Variants in SGK1 observed in about 807,000 individuals in gnomAD.
The protein encoded by SGK1 is serine/threonine-protein kinase Sgk1.
In SGK1, 26 loss-of-function variants were observed where a neutral mutation model predicts 64.2. The observed-to-expected ratio is 0.40, with a 90% CI of 0.30 to 0.56. SGK1 has a LOEUF of 0.56. Among genes scored for constraint, SGK1 ranks in the 20% least tolerant of loss-of-function variants. The pLI is 0.38. For missense variants in SGK1, 519 were observed against 645.6 expected (o/e 0.80, Z 2.12); for synonymous variants, 265 against 239.7 (o/e 1.11, Z -0.98).
chr6:134,178,574 A>G (rs1011860039), intron 3 of SGK1, among the ~76,000 whole-genome samples: 4 of 152,188 alleles, frequency 2.6e-5, no homozygotes, highest in Non-Finnish European at 5.9e-5. Context: ...ACTGGGAGGA[A>G]TCCGGCCCCT....
At chr6:134,209,559 A>G (rs9493857) in intron 2 of SGK1, among the ~76,000 whole-genome samples, 96,159 of 152,208 alleles carry the variant, frequency 0.63, 36,230 homozygotes, top group South Asian at 0.89. Flanking sequence ...CAAATATTCT[A>G]TAGTTTCATC....
intron 2 of SGK1, among the ~76,000 whole-genome samples, chr6:134,220,105 A>G (rs1454682679): frequency 2.0e-5 from 3 of 150,464 alleles, no homozygotes; most frequent in African/African-American, 7.3e-5. Flanking sequence ...AAAGAAAAGA[A>G]AAACACATAT....
chr6:134,269,678 A>AGAGAAAGTAAG, intron 1 of SGK1, among the ~76,000 whole-genome samples: 1 of 145,288 alleles, frequency 6.9e-6, no homozygotes. Context: ...AAAAAGAGAG[A>AGAGAAAGTAAG]GAGAAAGTAA....
At chr6:134,259,777 C>T (rs943194784) in intron 2 of SGK1, 3 of 152,234 alleles carry the variant, frequency 2.0e-5, no homozygotes, top group South Asian at 2.1e-4. Flanking sequence ...GCATCAGGAG[C>T]GATAAATAGA....
chr6:134,257,355 A>G (rs1188815448), intron 2 of SGK1, among the ~76,000 whole-genome samples: 2 of 152,184 alleles, frequency 1.3e-5, no homozygotes, highest in Non-Finnish European at 2.9e-5. Flanking sequence ...GTGAGCTGAG[A>G]TCGTGCCATT....
intron 1 of SGK1, among the ~76,000 whole-genome samples, chr6:134,312,786 T>C (rs76855835): frequency 6.6e-6 from 1 of 150,912 alleles, no homozygotes; most frequent in African/African-American, 2.5e-5. Flanking sequence ...TTTTTTTTTT[T>C]CCTTGAGATG....
At chr6:134,266,534 G>A (rs1265502647) in intron 1 of SGK1, among the ~76,000 whole-genome samples, 1 of 152,082 alleles carries the variant, frequency 6.6e-6, no homozygotes, top group Non-Finnish European at 1.5e-5. Context: ...AGAACGGCTT[G>A]AACCTCGGAG....
chr6:134,237,579 A>G (rs1378198145), intron 2 of SGK1, among the ~76,000 whole-genome samples: 4 of 152,070 alleles, frequency 2.6e-5, no homozygotes, highest in Non-Finnish European at 5.9e-5. Flanking sequence ...CAGGAGGCAG[A>G]GGGAGGAGAA....
chr6:134,243,533 C>G (rs1241801016), intron 2 of SGK1, among the ~76,000 whole-genome samples: 1 of 152,036 alleles, frequency 6.6e-6, no homozygotes, highest in Non-Finnish European at 1.5e-5. Flanking sequence ...ACATGCTCGG[C>G]TAAGTTTGTA....
At chr6:134,174,476 A>G in intron 4 of SGK1, 35 bp downstream of exon 4, 3 of 1,508,762 alleles carry the variant, frequency 2.0e-6, no homozygotes, top group East Asian at 2.3e-5. Flanking sequence ...AATTCAAACT[A>G]TACTAGTTAT....
intron 3 of SGK1, 195 bp from the exon 4 acceptor site, chr6:134,174,781 C>A (rs1459815482): frequency 6.2e-7 from 1 of 1,614,020 alleles, no homozygotes; most frequent in Non-Finnish European, 8.5e-7. Flanking sequence ...TGAGGGTGCC[C>A]TTAGCAGCCT....
chr6:134,206,363 ATATATATATATATATATATATTTT>A (rs1427789880), intron 3 of SGK1, among the ~76,000 whole-genome samples: 1 of 22,658 alleles, frequency 4.4e-5, no homozygotes, highest in African/African-American at 1.6e-4. Flanking sequence ...ATATATATAT[ATATATATATATATATATATATTTT>A]TTTTTTTTTT....
At chr6:134,228,362 A>G (rs1274158767) in intron 2 of SGK1, among the ~76,000 whole-genome samples, 1 of 152,190 alleles carries the variant, frequency 6.6e-6, no homozygotes, top group East Asian at 1.9e-4. Flanking sequence ...AAAATAGGAA[A>G]CCTTTCCACA....
In SGK1 at chr6:134,170,225, G is replaced by A. The variant is rs372156281; in HGVS notation, c.*43C>T. 48 of 1,529,374 alleles carry A rather than the reference G, an allele frequency of 3.1e-5. No individual in the cohort carries two copies. The African/African-American group carries it at 4.0e-4, about 13-fold the overall frequency. The allele number at this position is 1,529,374 out of a possible 1,614,324, so 94.7% of individuals were successfully genotyped here. A position where few individuals can be genotyped will look rare whatever the true frequency, so the allele number is the denominator to read the frequency against. On this transcript the variant is annotated 3_prime_UTR_variant, in exon 14 of 14. Transcript: ENST00000367858. ...CACCAAAAGGCTAACTAAAACATTC[G>A]GAAACACACATAAAATCCTTTAAAA...
intron 2 of SGK1, among the ~76,000 whole-genome samples, chr6:134,213,378 G>A (rs944346252): frequency 3.3e-5 from 5 of 151,692 alleles, no homozygotes; most frequent in African/African-American, 4.8e-5. Flanking sequence ...AAAATTAGCC[G>A]GGTGTGGTGG....
At chr6:134,176,616 G>T (rs1286811932) in intron 3 of SGK1, among the ~76,000 whole-genome samples, 1 of 152,208 alleles carries the variant, frequency 6.6e-6, no homozygotes, top group Non-Finnish European at 1.5e-5. Context: ...GTTGCTGTCT[G>T]CGGTGGCTGC....
At chr6:134,248,090 A>G (rs1048442081) in intron 2 of SGK1, among the ~76,000 whole-genome samples, 8 of 152,168 alleles carry the variant, frequency 5.3e-5, no homozygotes, top group African/African-American at 1.4e-4. Flanking sequence ...ATCACTCAGA[A>G]AAAAACACTT....
intron 2 of SGK1, among the ~76,000 whole-genome samples, chr6:134,218,092 G>GGATCAGA (rs1776015314): frequency 6.6e-6 from 1 of 152,176 alleles, no homozygotes; most frequent in Non-Finnish European, 1.5e-5. Flanking sequence ...AGAGTTCAGA[G>GGATCAGA]GATCAGAGAT....
intron 3 of SGK1, among the ~76,000 whole-genome samples, chr6:134,202,594 G>T (rs1775703647): frequency 6.6e-6 from 1 of 152,090 alleles, no homozygotes; most frequent in African/African-American, 2.4e-5. Context: ...GTTGCAGTGA[G>T]CTGAGGTCTC....
Sources: gnomAD v4.1 joint callset for allele counts (sites outside exome capture counted in the v4.1 genomes callset) on GRCh38, gnomAD v4.1.1 for gene constraint, MANE v1.5 for transcripts, NCBI Gene and HGNC (gene_info 2026-07-23, HGNC 2026-07-21) for gene names.